The following ST6GALNAC1 variants were observed in gnomAD, a reference collection of about 807,000 sequenced individuals.
The protein encoded by ST6GALNAC1 is ST6 N-acetylgalactosaminide alpha-2,6-sialyltransferase 1, also known as alpha-N-acetylgalactosaminide alpha-2,6-sialyltransferase 1.
Under a neutral mutation model 56.8 loss-of-function variants are expected in ST6GALNAC1, and 45 were observed. The observed-to-expected ratio is 0.79, with a 90% CI of 0.62 to 1.02. ST6GALNAC1 has a LOEUF of 1.02. ST6GALNAC1 is among the 50% of genes least tolerant of loss of function. The probability of loss-of-function intolerance (pLI) is 0.00; values close to 1 mark genes in which losing one functional copy is unlikely to be tolerated. For missense variants in ST6GALNAC1, 743 were observed against 754.8 expected (o/e 0.98, Z 0.18); for synonymous variants, 295 against 297.8 (o/e 0.99, Z 0.10).
In ST6GALNAC1 at chr17:76,627,506, G is replaced by A. The variant is rs1276589890; in HGVS notation, c.909C>T (p.Leu303=). Residue 303 remains leucine (L), a synonymous_variant, in exon 3 of 9, where the codon CTC becomes CTT. Transcript: ENST00000156626. The surrounding 1 kb of genome is among the most constrained non-coding windows in gnomAD (Gnocchi z 4.4). ...LQKLFLPNLT[L]FLDSRHFNQS... ...GGTTGAAGTGTCTGGAGTCCAGGAA[G>A]AGAGTGAGGTTGGGCAGAAAGAGTT... The A allele has an allele frequency of 6.2e-7, 1 of 1,614,204 alleles. No individual in the cohort carries two copies. Among genetic ancestry groups the A allele is most frequent in the Non-Finnish European group, 8.5e-7 (1 of 1,180,022 alleles).
Position 76,643,754 on chromosome 17 carries a change from C to A in ST6GALNAC1, c.-116G>T. 1.0e-6 allele frequency: 1 copy of A among 1,003,330 alleles called. No homozygotes were observed. Among genetic ancestry groups the A allele is most frequent in the Non-Finnish European group, 1.5e-6 (1 of 682,544 alleles). 62.2% of individuals were successfully genotyped at this position (1,003,330 alleles called of 1,614,324 possible). A position where few individuals can be genotyped will look rare whatever the true frequency, so the allele number is the denominator to read the frequency against. ...AGGAAGTGCACACCCTTTGTCTTAACAATGAGCCACTCCGGCAAGTGCTGA... is the reference window on the plus strand; with the variant it reads ...AGGAAGTGCACACCCTTTGTCTTAAAAATGAGCCACTCCGGCAAGTGCTGA... On this transcript the variant is annotated 5_prime_UTR_variant, in exon 1 of 9. Transcript: ENST00000156626.
At chr17:76,619,301 C>T in the ST6GALNAC1 span, among the ~76,000 whole-genome samples, 12 of 152,134 alleles carry the variant, frequency 7.9e-5, no homozygotes, top group East Asian at 1.9e-4. Context: ...TCACTGTTAG[C>T]GGAGTTTCGT....
Position 76,627,080 on chromosome 17 carries a change from C to T in ST6GALNAC1, c.1159G>A (p.Asp387Asn), listed in dbSNP as rs200379693. 1.5e-5 allele frequency: 23 copies of T among 1,553,542 alleles called. No individual in the cohort carries two copies. The South Asian group carries it at 1.7e-4, about 12-fold the overall frequency. ...GGGACAGCTTACCGGAACACGTAGT[C>T]GTGACTGTCTATCTCCTGGCCCATG... Reference protein sequence around the residue: ...SHMGQEIDSHDYVFRLSGALI... With the variant: ...SHMGQEIDSHNYVFRLSGALI... Residue 387 changes from aspartate to asparagine, a missense_variant, in exon 4 of 9, where the codon GAC (aspartate) becomes AAC (asparagine). Coordinates refer to ENST00000156626, the MANE Select transcript of ST6GALNAC1 (RefSeq NM_018414.5). This position sits in a 1 kb window ranked among gnomAD's most constrained non-coding sequence, Gnocchi z 4.4.
At position 76,629,599 on chromosome 17, in the gene ST6GALNAC1, C is replaced by T. The variant is rs1274418860; in HGVS notation, c.244G>A (p.Glu82Lys). The T allele has an allele frequency of 6.2e-7, 1 of 1,613,658 alleles. No homozygotes were observed. The highest frequency in any genetic ancestry group is 1.7e-5 in the Admixed American group (1 of 60,000). The change falls in exon 2 of 9, where the codon GAG becomes AAG. Residue 82 changes from glutamate to lysine, a missense_variant. Physicochemically the swap from Glu to Lys is moderately conservative, Grantham distance 56. Transcript: ENST00000156626. The part of the protein sequence containing the change: ...RTTIYAEPVP[E>K]NNALNTQTQP... The stretch of plus-strand genomic sequence containing the variant: ...GTTTGTGTGTTGAGGGCATTGTTCT[C>T]TGGCACTGGCTCTGCATAGATGGTT...
chr17:76,626,185 T>A (rs758806488), intron 6 of ST6GALNAC1, 90 bp from the exon 7 acceptor site: 1 of 1,544,904 alleles, frequency 6.5e-7, no homozygotes, highest in Non-Finnish European at 8.9e-7. Flanking sequence ...TGGTATCCCA[T>A]CTCCAGGTGA....
chr17:76,621,216 C>G (rs1321924155), downstream of ST6GALNAC1, among the ~76,000 whole-genome samples: 4 of 123,948 alleles, frequency 3.2e-5, no homozygotes, highest in East Asian at 1.0e-3. Flanking sequence ...TGGAGTCTCA[C>G]TCTGTCACCA....
chr17:76,635,102 T>G (rs184772736), intron 1 of ST6GALNAC1, among the ~76,000 whole-genome samples: 2 of 152,148 alleles, frequency 1.3e-5, no homozygotes, highest in African/African-American at 4.8e-5. Flanking sequence ...TTATTCTGAG[T>G]GTTCTTTTCT....
chr17:76,638,737 G>T (rs970364541), intron 1 of ST6GALNAC1, among the ~76,000 whole-genome samples: 2 of 152,046 alleles, frequency 1.3e-5, no homozygotes, highest in African/African-American at 4.8e-5. Flanking sequence ...ACCGGACCAT[G>T]CCCGGCTAAT....
intron 1 of ST6GALNAC1, among the ~76,000 whole-genome samples, chr17:76,632,432 A>C (rs1259379814): frequency 1.3e-5 from 2 of 151,108 alleles, no homozygotes; most frequent in African/African-American, 2.4e-5. Flanking sequence ...GAGGTAATGC[A>C]CTCCTCTCTG....
Position 76,627,703 on chromosome 17 carries a change from T to G in ST6GALNAC1, c.832-120A>C. 1.2e-6 allele frequency: 1 copy of G among 835,830 alleles called. No homozygotes were observed. Among genetic ancestry groups the G allele is most frequent in the Non-Finnish European group, 1.9e-6 (1 of 532,936 alleles). 51.8% of individuals were successfully genotyped at this position (835,830 alleles called of 1,614,324 possible). A position where few individuals can be genotyped will look rare whatever the true frequency, so the allele number is the denominator to read the frequency against. On this transcript the variant is annotated intron_variant, in intron 2 of 8. Coordinates refer to ENST00000156626, the MANE Select transcript of ST6GALNAC1 (RefSeq NM_018414.5). This position sits in a 1 kb window ranked among gnomAD's most constrained non-coding sequence, Gnocchi z 4.4. Reference sequence around the variant, plus strand: ...TGGAAGGCGCGGCCTCTGCTACCTCTTCCATTCTGTTCTCAGGGTCTGCTT... The same window carrying G: ...TGGAAGGCGCGGCCTCTGCTACCTCGTCCATTCTGTTCTCAGGGTCTGCTT...
chr17:76,628,096 C>CA lies in ST6GALNAC1; in HGVS notation c.832-514dup, dbSNP rs11312067. Among the ~76,000 whole-genome samples, 213 of 69,746 alleles carry CA rather than the reference C, an allele frequency of 3.1e-3. 1 individual carries two copies. Among genetic ancestry groups the CA allele is most frequent in the South Asian group, 0.018 (39 of 2,164 alleles). The allele number at this position is 69,746 out of a possible 152,430, so 45.8% of individuals were successfully genotyped here. On this transcript the variant is annotated intron_variant, in intron 2 of 8. Coordinates refer to ENST00000156626, the MANE Select transcript of ST6GALNAC1 (RefSeq NM_018414.5). ...TGGGCGACAGAGCGAGAGTCCATCTCAAAAAAAAAAAAAAAAAAAAATGCA... is the reference window on the plus strand; with the variant it reads ...TGGGCGACAGAGCGAGAGTCCATCTCAAAAAAAAAAAAAAAAAAAAAATGCA...
chr17:76,620,416 T>G (rs2075728357), downstream of ST6GALNAC1, among the ~76,000 whole-genome samples: 1 of 152,194 alleles, frequency 6.6e-6, no homozygotes, highest in South Asian at 2.1e-4. Flanking sequence ...CATTATTTTT[T>G]GGGTATGTAA....
At chr17:76,630,344 G>A (rs1181681154) in intron 1 of ST6GALNAC1, among the ~76,000 whole-genome samples, 1 of 152,138 alleles carries the variant, frequency 6.6e-6, no homozygotes, top group Non-Finnish European at 1.5e-5. Context: ...GAAGCAGGCT[G>A]ATTACCTATG....
At position 76,624,770 on chromosome 17, in the gene ST6GALNAC1, T is replaced by C. The variant is rs531507166; in HGVS notation, c.*560A>G. 3.0e-4 allele frequency: 46 copies of C among 153,726 alleles called. No individual in the cohort carries two copies. Among genetic ancestry groups the C allele is most frequent in the African/African-American group, 8.9e-4 (37 of 41,590 alleles). The allele number at this position is 153,726 out of a possible 1,614,324, so 9.5% of individuals were successfully genotyped here. A position where few individuals can be genotyped will look rare whatever the true frequency, so the allele number is the denominator to read the frequency against. On this transcript the variant is annotated 3_prime_UTR_variant, in exon 9 of 9. Transcript: ENST00000156626. Reference sequence around the variant, plus strand: ...GTAACAACTAGTTGCATCTTCACTGTAGAAAATTTATTTGCCTTTCCATGG... The same window carrying C: ...GTAACAACTAGTTGCATCTTCACTGCAGAAAATTTATTTGCCTTTCCATGG...
intron 1 of ST6GALNAC1, among the ~76,000 whole-genome samples, chr17:76,632,685 C>A (rs1238800423): frequency 6.6e-6 from 1 of 152,120 alleles, no homozygotes; most frequent in Admixed American, 6.6e-5. Context: ...TTACTAAATG[C>A]TCAAATTGTA....
rs2075776446 is a variant in ST6GALNAC1 at position 76,625,105 on chromosome 17, A to G, written c.*225T>C. On this transcript the variant is annotated 3_prime_UTR_variant, in exon 9 of 9. Coordinates refer to ENST00000156626, the MANE Select transcript of ST6GALNAC1 (RefSeq NM_018414.5). ...CACCCATCACCCCATTTAATTAAAA[A>G]TCCCTGGCCTCAGGACCTACAGCAA... 1 of 553,980 alleles carries G rather than the reference A, an allele frequency of 1.8e-6. No homozygotes were observed. Among genetic ancestry groups the G allele is most frequent in the Admixed American group, 3.2e-5 (1 of 30,974 alleles). 34.3% of individuals were successfully genotyped at this position (553,980 alleles called of 1,614,324 possible). A position where few individuals can be genotyped will look rare whatever the true frequency, so the allele number is the denominator to read the frequency against.
intron 1 of ST6GALNAC1, chr17:76,641,734 C>T (rs1010843567): frequency 1.3e-5 from 2 of 152,058 alleles, no homozygotes; most frequent in African/African-American, 2.4e-5. Context: ...GAAATCTACC[C>T]GGAAATCACT....
In ST6GALNAC1 at chr17:76,627,348, C is replaced by T; in HGVS notation, c.1000+67G>A. 1 of 1,589,214 alleles carries T rather than the reference C, an allele frequency of 6.3e-7. No individual in the cohort carries two copies. ...CCAGGGAAGAGGCAGACCAGAAAGC[C>T]AGCTGCCCTCTGCCCTCTGCCCCGG... On this transcript the variant is annotated intron_variant, in intron 3 of 8. Transcript: ENST00000156626. This position sits in a 1 kb window ranked among gnomAD's most constrained non-coding sequence, Gnocchi z 4.4.
chr17:76,631,677 A>G (rs1454167163), intron 1 of ST6GALNAC1, among the ~76,000 whole-genome samples: 1 of 151,920 alleles, frequency 6.6e-6, no homozygotes. Context: ...GCCACCCCAT[A>G]ACACCTGTAC....
Sources: allele counts gnomAD v4.1 joint callset (sites outside exome capture counted in the v4.1 genomes callset), GRCh38; gene constraint gnomAD v4.1.1; non-coding constraint Gnocchi (gnomAD v3.1); transcripts MANE v1.5; gene names NCBI Gene and HGNC (gene_info 2026-07-23, HGNC 2026-07-21).